SPTB: variants seen among roughly 807,000 people sequenced by gnomAD.
SPTB encodes spectrin beta chain, erythrocytic.
Under a neutral mutation model 256.2 loss-of-function variants are expected in SPTB, and 45 were observed. The ratio of observed to expected loss-of-function variants is 0.18; its 90% CI spans 0.14 to 0.23. SPTB has a LOEUF of 0.23. Ranked by LOEUF, SPTB falls within the 10% of genes least tolerant of loss-of-function variation. SPTB has a pLI of 1.00. For synonymous variants in SPTB, 1,231 were observed against 1,243.1 expected, an observed-to-expected ratio of 0.99 and a Z score of 0.21; for missense variants, 2,715 against 3,040.4, an observed-to-expected ratio of 0.89 and a Z score of 2.52.
At position 64,827,174 on chromosome 14, in the gene SPTB, G is replaced by A. The variant is rs967989587; in HGVS notation, c.-51-4029C>T. 1.3e-5 allele frequency among the ~76,000 whole-genome samples: 2 copies of A among 152,148 alleles called. No individual in the cohort carries two copies. The highest frequency in any genetic ancestry group is 2.9e-5 in the Non-Finnish European group (2 of 68,024). ...AGGACCCATGTCAGCCCTCGCCGAA[G>A]CCCCGAGCAGAAGAGGCAGCTGTTC... On this transcript the variant is annotated intron_variant, in intron 1 of 35. Transcript: ENST00000644917. The surrounding 1 kb of genome is among the most constrained non-coding windows in gnomAD (Gnocchi z 4.6).
chr14:64,797,467 C>CAAAAAAAAAAAAAA (rs57385615), intron 10 of SPTB, among the ~76,000 whole-genome samples: 2 of 31,010 alleles, frequency 6.4e-5, no homozygotes, highest in African/African-American at 1.2e-4. Context: ...ACCCTGTCTC[C>CAAAAAAAAAAAAAA]AAAAAAAAAA....
intron 29 of SPTB, among the ~76,000 whole-genome samples, chr14:64,768,506 C>T (rs2097016740): frequency 6.6e-6 from 1 of 152,178 alleles, no homozygotes. Context: ...ACCAGTTGGC[C>T]CTTCTTGGCT....
intron 1 of SPTB, among the ~76,000 whole-genome samples, chr14:64,855,830 G>A (rs2083864739): frequency 2.0e-5 from 3 of 152,216 alleles, no homozygotes; most frequent in African/African-American, 7.2e-5. Context: ...TTGCCTTAGA[G>A]GAGCCTCTCT....
intron 15 of SPTB, 127 bp downstream of exon 15, chr14:64,791,592 G>C: frequency 3.9e-6 from 1 of 256,094 alleles, no homozygotes; most frequent in Non-Finnish European, 6.8e-6. Context: ...AAAAAAAAAA[G>C]ACAGGAATGT....
rs974295375 is a variant in SPTB at position 64,802,789 on chromosome 14, C to G, written c.475-472G>C. Among the ~76,000 whole-genome samples, 2 of 152,164 alleles carry G rather than the reference C, an allele frequency of 1.3e-5. No individual in the cohort carries two copies. The highest frequency in any genetic ancestry group is 4.8e-5 in the African/African-American group (2 of 41,424). ...AGCCTGCTTCCCTGCCTCAGTCAGC[C>G]AAAATGGCACAGGGATGAGACAGCT... On this transcript the variant is annotated intron_variant, in intron 4 of 35. Transcript: ENST00000644917. This position sits in a 1 kb window ranked among gnomAD's most constrained non-coding sequence, Gnocchi z 5.1.
At chr14:64,762,533 C>G (rs1387179270) in intron 32 of SPTB, among the ~76,000 whole-genome samples, 1 of 152,222 alleles carries the variant, frequency 6.6e-6, no homozygotes, top group South Asian at 2.1e-4. Context: ...CTCAGCGCCT[C>G]ACGTTCGTAA....
At position 64,753,666 on chromosome 14, in the gene SPTB, G is replaced by A. The variant is rs187548635; in HGVS notation, c.6473C>T (p.Thr2158Met). The change falls in exon 33 of 36, where the codon ACG becomes ATG. Residue 2158 changes from threonine to methionine, a missense_variant. Physicochemically the swap from Thr to Met is moderately conservative, Grantham distance 81. This residue lies in a region of SPTB where 2,239 missense variants were observed against 2,384.4 expected (regional missense o/e 0.94). Transcript: ENST00000644917. ...GGGCTCATCACCCTCGCTCAGAGGC[G>A]TATCTAGGACCTTAAAGAGGGGCTC... ...TTEPLFKVLD[T>M]PLSEGDEPAT... 110 of 1,613,710 alleles carry A rather than the reference G, an allele frequency of 6.8e-5. No individual in the cohort carries two copies. Among genetic ancestry groups the A allele is most frequent in the Admixed American group, 1.5e-4 (9 of 60,022 alleles).
At position 64,785,067 on chromosome 14, in the gene SPTB, A is replaced by C. The variant is rs1486917510; in HGVS notation, c.3855+470T>G. On this transcript the variant is annotated intron_variant, in intron 18 of 35. Transcript: ENST00000644917. The surrounding 1 kb of genome is among the most constrained non-coding windows in gnomAD (Gnocchi z 4.4). ...TTCTGATTCATCTGGCCTGAGTGGG[A>C]CCCAGGGGTCTGCTTTAACTAGGAC... 6.6e-6 allele frequency among the ~76,000 whole-genome samples: 1 copy of C among 152,180 alleles called. No homozygotes were observed. The highest frequency in any genetic ancestry group is 1.5e-5 in the Non-Finnish European group (1 of 68,022).
intron 27 of SPTB, 75 bp from the exon 28 acceptor site, chr14:64,769,803 GC>G: frequency 1.3e-6 from 2 of 1,596,110 alleles, no homozygotes; most frequent in Admixed American, 1.7e-5. Flanking sequence ...AACCAGAGGG[GC>G]CCACCTCCCC....
chr14:64,851,122 G>C (rs1323789365), intron 1 of SPTB, among the ~76,000 whole-genome samples: 1 of 152,168 alleles, frequency 6.6e-6, no homozygotes, highest in Non-Finnish European at 1.5e-5. Context: ...GAACACTACA[G>C]ACCCAGTGAG....
intron 22 of SPTB, among the ~76,000 whole-genome samples, chr14:64,776,721 T>C (rs534970006): frequency 6.6e-6 from 1 of 152,322 alleles, no homozygotes; most frequent in Non-Finnish European, 1.5e-5. Context: ...GGATTACGGG[T>C]GTGAACCACT....
rs2082489887 is a variant in SPTB at position 64,782,486 on chromosome 14, A to G, written c.4070T>C (p.Leu1357Pro). The G allele has an allele frequency of 6.2e-7, 1 of 1,614,156 alleles. No homozygotes were observed. Among genetic ancestry groups the G allele is most frequent in the South Asian group, 1.1e-5 (1 of 91,088 alleles). ...TALVSQKLEALHRLWDELQAT... is the reference protein window; with the variant it reads ...TALVSQKLEAPHRLWDELQAT... Reference sequence around the variant, plus strand: ...CTGCAGCTCGTCCCAGAGCCGGTGCAGGGCTTCCAGCTTTTGGGACACCAG... The same window carrying G: ...CTGCAGCTCGTCCCAGAGCCGGTGCGGGGCTTCCAGCTTTTGGGACACCAG... The change falls in exon 20 of 36, where the codon CTG becomes CCG. Residue 1357 changes from leucine to proline, a missense_variant. By Grantham distance (98) the Leu-to-Pro change is moderately conservative (BLOSUM62 -3). Around this residue, in one of 4 missense-constraint regions of SPTB, gnomAD observed 2,239 missense variants for 2,384.4 expected, o/e 0.94. Coordinates refer to ENST00000644917, the MANE Select transcript of SPTB (RefSeq NM_001355436.2).
At chr14:64,757,443 C>T (rs551715541) in intron 32 of SPTB, 2 of 152,232 alleles carry the variant, frequency 1.3e-5, no homozygotes, top group Non-Finnish European at 2.9e-5. Context: ...CCAGTGCGAT[C>T]AAAAATTATG....
At position 64,786,609 on chromosome 14, in the gene SPTB, C is replaced by A; in HGVS notation, c.3356G>T (p.Arg1119Leu). 1 of 1,614,202 alleles carries A rather than the reference C, an allele frequency of 6.2e-7. No homozygotes were observed. Among genetic ancestry groups the A allele is most frequent in the Non-Finnish European group, 8.5e-7 (1 of 1,180,022 alleles). The stretch of plus-strand genomic sequence containing the variant: ...CACTTTCTCCCCAGACTCCTTAACA[C>A]GCTGGTAGCTGTCTTGGTGCCCGTC... Reference protein sequence around the residue: ...EIDGHQDSYQRVKESGEKVIQ... With the variant: ...EIDGHQDSYQLVKESGEKVIQ... The change falls in exon 16 of 36, where the codon CGT becomes CTT. Residue 1119 changes from arginine (R) to leucine (L), a missense_variant. By Grantham distance (102) the Arg-to-Leu change is moderately radical. This residue lies in a region of SPTB where 2,239 missense variants were observed against 2,384.4 expected (regional missense o/e 0.94). Coordinates refer to ENST00000644917, the MANE Select transcript of SPTB (RefSeq NM_001355436.2). The surrounding 1 kb of genome is among the most constrained non-coding windows in gnomAD (Gnocchi z 5.6).
chr14:64,838,111 A>G (rs569049078), intron 1 of SPTB, among the ~76,000 whole-genome samples: 59 of 152,356 alleles, frequency 3.9e-4, no homozygotes, highest in African/African-American at 1.3e-3. Context: ...ATAGATTGAC[A>G]TATATGGCCA....
At position 64,775,507 on chromosome 14, in the gene SPTB, C is replaced by T; in HGVS notation, c.4564-104G>A. 1 of 1,437,360 alleles carries T rather than the reference C, an allele frequency of 7.0e-7. No homozygotes were observed. The highest frequency in any genetic ancestry group is 9.4e-7 in the Non-Finnish European group (1 of 1,068,074). The allele number at this position is 1,437,360 out of a possible 1,614,324, so 89.0% of individuals were successfully genotyped here. A position where few individuals can be genotyped will look rare whatever the true frequency, so the allele number is the denominator to read the frequency against. On this transcript the variant is annotated intron_variant, in intron 22 of 35. Transcript: ENST00000644917. The surrounding 1 kb of genome is among the most constrained non-coding windows in gnomAD (Gnocchi z 5.0). ...CTGACACCCTTGGTCCCTCTCACCC[C>T]CGTTGCTAGAGCAGAGCAGGTGATG...
chr14:64,840,294 C>T (rs1295696075), intron 1 of SPTB, among the ~76,000 whole-genome samples: 1 of 152,216 alleles, frequency 6.6e-6, no homozygotes, highest in Non-Finnish European at 1.5e-5. Flanking sequence ...TCACCTTTCT[C>T]CTGGCCATTG....
In SPTB at chr14:64,775,536, A is replaced by AT. The variant is rs1300985007; in HGVS notation, c.4564-134dup. 8.2e-7 allele frequency: 1 copy of AT among 1,213,938 alleles called. No homozygotes were observed. The highest frequency in any genetic ancestry group is 1.1e-6 in the Non-Finnish European group (1 of 886,562). 75.2% of individuals were successfully genotyped at this position (1,213,938 alleles called of 1,614,324 possible). A position where few individuals can be genotyped will look rare whatever the true frequency, so the allele number is the denominator to read the frequency against. ...TGCTAGAGCAGAGCAGGTGATGGCG[A>AT]TAAGAACTACCAATGACCTCTTGCG... On this transcript the variant is annotated intron_variant, in intron 22 of 35. Transcript: ENST00000644917. This position sits in a 1 kb window ranked among gnomAD's most constrained non-coding sequence, Gnocchi z 5.0.
chr14:64,856,771 T>A (rs941332241), intron 1 of SPTB, among the ~76,000 whole-genome samples: 8 of 152,242 alleles, frequency 5.3e-5, no homozygotes, highest in Non-Finnish European at 1.5e-5. Flanking sequence ...AGAATTTGTT[T>A]CTTGTTTGGT....
Sources: gnomAD v4.1 joint callset for allele counts (sites outside exome capture counted in the v4.1 genomes callset) on GRCh38, gnomAD v4.1.1 for gene constraint, gnomAD v4.1.1 regional missense constraint, Gnocchi (gnomAD v3.1) non-coding constraint, MANE v1.5 for transcripts, NCBI Gene and HGNC (gene_info 2026-07-23, HGNC 2026-07-21) for gene names.